The following IFT81 variants were observed in gnomAD, a reference collection of about 807,000 sequenced individuals.
The protein encoded by IFT81 is intraflagellar transport protein 81 homolog.
A neutral mutation model predicts 102.6 loss-of-function variants in IFT81; 72 were observed. The ratio of observed to expected loss-of-function variants is 0.70; its 90% CI spans 0.58 to 0.85. The LOEUF (loss-of-function observed/expected upper bound fraction) is 0.85, where lower values mean the gene tolerates loss of function less well. IFT81 is among the 40% of genes least tolerant of loss of function. The probability of loss-of-function intolerance (pLI) is 0.00; values close to 1 mark genes in which losing one functional copy is unlikely to be tolerated. For synonymous variants in IFT81, 237 were observed against 242.7 expected (o/e 0.98, Z 0.22); for missense variants, 723 against 787.3 (o/e 0.92, Z 0.98).
chr12:110,194,102 A>G (rs550648821), intron 14 of IFT81, among the ~76,000 whole-genome samples: 6 of 152,250 alleles, frequency 3.9e-5, no homozygotes, highest in Non-Finnish European at 5.9e-5. Context: ...CTCACTCACT[A>G]TCATGAAAAC....
chr12:110,198,275 T>C (rs1314194227), intron 14 of IFT81, among the ~76,000 whole-genome samples: 1 of 152,086 alleles, frequency 6.6e-6, no homozygotes, highest in Non-Finnish European at 1.5e-5. Flanking sequence ...CCATCTTTTT[T>C]TTTTCTTCTT....
chr12:110,210,865 T>C (rs889763152), intron 18 of IFT81, among the ~76,000 whole-genome samples: 1 of 151,806 alleles, frequency 6.6e-6, no homozygotes, highest in Non-Finnish European at 1.5e-5. Context: ...TTCCTTTTTT[T>C]TTCGAGACAG....
intron 3 of IFT81, among the ~76,000 whole-genome samples, chr12:110,128,426 T>C (rs939495342): frequency 6.7e-6 from 1 of 150,102 alleles, no homozygotes; most frequent in Non-Finnish European, 1.5e-5. Context: ...CACAACTTCC[T>C]TGGATATGCC....
intron 17 of IFT81, among the ~76,000 whole-genome samples, chr12:110,208,156 G>A (rs1339788295): frequency 6.6e-6 from 1 of 152,068 alleles, no homozygotes; most frequent in Admixed American, 6.6e-5. Context: ...CATGGGAAAT[G>A]TTATATGTAT....
chr12:110,188,096 G>A (rs1205701230), intron 12 of IFT81, among the ~76,000 whole-genome samples: 2 of 152,294 alleles, frequency 1.3e-5, no homozygotes, highest in East Asian at 1.9e-4. Context: ...ACTTTGGGAG[G>A]CTGAGGCGGG....
At chr12:110,182,489 G>A (rs1897347454) in intron 12 of IFT81, among the ~76,000 whole-genome samples, 1 of 152,160 alleles carries the variant, frequency 6.6e-6, no homozygotes, top group Non-Finnish European at 1.5e-5. Flanking sequence ...TGAGAAGTGT[G>A]AGACTCTAGT....
At chr12:110,197,511 T>C (rs911144219) in intron 14 of IFT81, among the ~76,000 whole-genome samples, 3 of 147,552 alleles carry the variant, frequency 2.0e-5, no homozygotes, top group African/African-American at 7.4e-5. Flanking sequence ...TTTTTTCTGT[T>C]TTTTTATCTT....
At chr12:110,174,495 A>C (rs1379621771) in intron 11 of IFT81, among the ~76,000 whole-genome samples, 2 of 151,794 alleles carry the variant, frequency 1.3e-5, no homozygotes, top group Non-Finnish European at 2.9e-5. Flanking sequence ...GTGTTTCTTA[A>C]ACAATGTAAA....
chr12:110,125,897 T>C (rs1290426303), intron 1 of IFT81, among the ~76,000 whole-genome samples: 1 of 152,218 alleles, frequency 6.6e-6, no homozygotes, highest in African/African-American at 2.4e-5. Context: ...ATCACTGTTT[T>C]AGACACAATG....
intron 5 of IFT81, among the ~76,000 whole-genome samples, chr12:110,134,381 ATTTG>A (rs1298802649): frequency 1.3e-5 from 2 of 152,010 alleles, no homozygotes; most frequent in East Asian, 3.8e-4. Context: ...GAGTTTTTTT[ATTTG>A]TTTGTTTTTA....
chr12:110,150,528 A>G (rs1039526098), intron 10 of IFT81, among the ~76,000 whole-genome samples: 1 of 152,162 alleles, frequency 6.6e-6, no homozygotes, highest in Non-Finnish European at 1.5e-5. Flanking sequence ...AGTCTCGTCA[A>G]TCTCACATCT....
rs368252127 is a variant in IFT81 at position 110,203,713 on chromosome 12, C to T, written c.1558-151C>T. On this transcript the variant is annotated intron_variant, in intron 14 of 18. Coordinates refer to ENST00000242591, the MANE Select transcript of IFT81 (RefSeq NM_014055.4). ...ATCAGCACCTTCATCTATCATAATT[C>T]TCAAATGTCTGGTTGTTGCATAAAT... 7.3e-5 allele frequency: 48 copies of T among 653,664 alleles called. No individual in the cohort carries two copies. In the East Asian group the frequency reaches 9.1e-4, roughly 12 times the overall value. The allele number at this position is 653,664 out of a possible 1,614,324, so 40.5% of individuals were successfully genotyped here.
At chr12:110,199,525 G>A (rs751323451) in intron 14 of IFT81, among the ~76,000 whole-genome samples, 7 of 152,126 alleles carry the variant, frequency 4.6e-5, no homozygotes, top group Admixed American at 2.0e-4. Context: ...ATAGTGATCC[G>A]TTTGACCATA....
At chr12:110,178,265 T>C (rs2137505144) in intron 11 of IFT81, among the ~76,000 whole-genome samples, 1 of 151,908 alleles carries the variant, frequency 6.6e-6, no homozygotes, top group South Asian at 2.1e-4. Flanking sequence ...AATACAAAAA[T>C]TAGCCTGGCA....
intron 12 of IFT81, among the ~76,000 whole-genome samples, chr12:110,185,517 G>A (rs755128547): frequency 5.7e-4 from 87 of 151,780 alleles, no homozygotes; most frequent in African/African-American, 1.5e-3. Context: ...TACTATTGCC[G>A]TGTCCTGGGC....
At chr12:110,164,133 C>G (rs781108774) in intron 11 of IFT81, among the ~76,000 whole-genome samples, 53 of 152,084 alleles carry the variant, frequency 3.5e-4, no homozygotes, top group Non-Finnish European at 6.5e-4. Flanking sequence ...ATGACCTCAT[C>G]ATAGAAGCTT....
At chr12:110,130,950 GATCA>G (rs1019417246) in intron 4 of IFT81, among the ~76,000 whole-genome samples, 1 of 151,988 alleles carries the variant, frequency 6.6e-6, no homozygotes, top group African/African-American at 2.4e-5. Context: ...TTTAAGATAT[GATCA>G]ATCAAGAAAA....
At chr12:110,180,208 G>A (rs1897265846) in intron 11 of IFT81, among the ~76,000 whole-genome samples, 1 of 150,728 alleles carries the variant, frequency 6.6e-6, no homozygotes, top group Non-Finnish European at 1.5e-5. Context: ...GGAAGATGGG[G>A]GTTGGGAAGT....
intron 11 of IFT81, among the ~76,000 whole-genome samples, chr12:110,166,002 T>G (rs1036760431): frequency 4.6e-5 from 7 of 152,194 alleles, no homozygotes; most frequent in Admixed American, 2.0e-4. Flanking sequence ...AACTTGGTTG[T>G]TTGAGTGCAA....
Sources: allele counts gnomAD v4.1 joint callset (sites outside exome capture counted in the v4.1 genomes callset), GRCh38; gene constraint gnomAD v4.1.1; transcripts MANE v1.5; gene names NCBI Gene and HGNC (gene_info 2026-07-23, HGNC 2026-07-21).